SMAP1: variants seen among roughly 807,000 people sequenced by gnomAD.
SMAP1 encodes the protein small ArfGAP 1.
In SMAP1, 24 loss-of-function variants were observed where a neutral mutation model predicts 58.5. The ratio of observed to expected loss-of-function variants is 0.41; its 90% CI spans 0.30 to 0.58. The LOEUF is 0.58. Among genes scored for constraint, SMAP1 ranks in the 20% least tolerant of loss-of-function variants. The pLI is 0.29. For synonymous variants in SMAP1, 216 were observed against 196.6 expected (o/e 1.10, Z -0.82); for missense variants, 563 against 566.3 (o/e 0.99, Z 0.06).
chr6:70,724,074 A>G (rs1768652128), intron 1 of SMAP1, among the ~76,000 whole-genome samples: 1 of 151,888 alleles, frequency 6.6e-6, no homozygotes, highest in South Asian at 2.1e-4. Flanking sequence ...TGTTTCAGAC[A>G]AATTTTAGAA....
At chr6:70,847,239 TCA>T (rs1228002564) in intron 7 of SMAP1, among the ~76,000 whole-genome samples, 7 of 152,170 alleles carry the variant, frequency 4.6e-5, no homozygotes. Flanking sequence ...CATGACTTTG[TCA>T]TATTTGAAAT....
chr6:70,803,898 G>A (rs1768986502), intron 6 of SMAP1, among the ~76,000 whole-genome samples: 1 of 152,170 alleles, frequency 6.6e-6, no homozygotes, highest in Non-Finnish European at 1.5e-5. Flanking sequence ...GCTGAGGAGT[G>A]TTTTACTTCC....
intron 1 of SMAP1, among the ~76,000 whole-genome samples, chr6:70,711,140 T>C (rs1031718302): frequency 1.2e-4 from 19 of 152,330 alleles, no homozygotes; most frequent in African/African-American, 4.3e-4. Context: ...GTAAAAAGTA[T>C]AGTAAATACA....
intron 7 of SMAP1, among the ~76,000 whole-genome samples, chr6:70,847,892 A>AGTGT (rs373993407): frequency 5.3e-5 from 8 of 151,486 alleles, no homozygotes; most frequent in African/African-American, 1.5e-4. Context: ...TGAAAGAGGA[A>AGTGT]GTGTGTGTGT....
In SMAP1 at chr6:70,668,424, C is replaced by T. The variant is rs1189039306; in HGVS notation, c.118+283C>T. 9 of 1,179,658 alleles carry T rather than the reference C, an allele frequency of 7.6e-6. No homozygotes were observed. In the East Asian group the frequency reaches 1.9e-4, roughly 25 times the overall value. 73.1% of individuals were successfully genotyped at this position (1,179,658 alleles called of 1,614,324 possible). On this transcript the variant is annotated intron_variant, in intron 1 of 10. Coordinates refer to ENST00000370455, the MANE Select transcript of SMAP1 (RefSeq NM_001044305.3). The stretch of plus-strand genomic sequence containing the variant: ...GGTGCCAGGGTAGCGATGCTCGGAC[C>T]CTCCACAGGGCTGGGGGTAGGAGCG...
chr6:70,699,443 G>C (rs975598585), intron 1 of SMAP1, among the ~76,000 whole-genome samples: 5 of 152,176 alleles, frequency 3.3e-5, no homozygotes, highest in African/African-American at 9.7e-5. Context: ...GAGCTCTTCA[G>C]TCAGCAGGTA....
chr6:70,766,636 C>T (rs1333247652), intron 3 of SMAP1, among the ~76,000 whole-genome samples: 1 of 152,060 alleles, frequency 6.6e-6, no homozygotes, highest in African/African-American at 2.4e-5. Flanking sequence ...ATTGTAGATT[C>T]TGGTTATTAG....
chr6:70,802,455 A>C (rs1582217994), intron 6 of SMAP1, among the ~76,000 whole-genome samples: 1 of 152,142 alleles, frequency 6.6e-6, no homozygotes, highest in Admixed American at 6.5e-5. Flanking sequence ...ATCTGCAAAC[A>C]GGGAGAATTT....
At chr6:70,699,916 A>G (rs1767556599) in intron 1 of SMAP1, among the ~76,000 whole-genome samples, 1 of 151,990 alleles carries the variant, frequency 6.6e-6, no homozygotes, top group South Asian at 2.1e-4. Flanking sequence ...CTGGCAACCA[A>G]ACTGTAAGAC....
rs759028558 is a variant in SMAP1 at position 70,858,100 on chromosome 6, A to C, written c.1140A>C (p.Ala380=). The C allele has an allele frequency of 9.9e-6, 16 of 1,613,964 alleles. No homozygotes were observed. The highest frequency in any genetic ancestry group is 1.4e-5 in the Non-Finnish European group (16 of 1,180,016). The change falls in exon 10 of 11, where the codon GCA becomes GCC. Residue 380 remains alanine, a synonymous_variant. Transcript: ENST00000370455. ...MPMPNGFMGN[A]QTGVMPLPQN... ...TGCCCAATGGGTTTATGGGAAATGCACAAACTGGTGTGATGCCACTTCCTC... is the reference window on the plus strand; with the variant it reads ...TGCCCAATGGGTTTATGGGAAATGCCCAAACTGGTGTGATGCCACTTCCTC...
At chr6:70,769,807 G>GAT (rs1767189947) in intron 3 of SMAP1, among the ~76,000 whole-genome samples, 1 of 152,130 alleles carries the variant, frequency 6.6e-6, no homozygotes, top group Non-Finnish European at 1.5e-5. Context: ...GATGTTAGCT[G>GAT]GTTATTTTGC....
At chr6:70,790,984 T>A (rs1768325907) in intron 4 of SMAP1, among the ~76,000 whole-genome samples, 1 of 152,148 alleles carries the variant, frequency 6.6e-6, no homozygotes, top group Non-Finnish European at 1.5e-5. Flanking sequence ...GAAAAAAGCT[T>A]TTAGATGAAA....
chr6:70,669,776 T>G (rs987242896), intron 1 of SMAP1, among the ~76,000 whole-genome samples: 3 of 152,216 alleles, frequency 2.0e-5, no homozygotes, highest in African/African-American at 4.8e-5. Flanking sequence ...ATCTGTTCAT[T>G]AAAAGTCGAA....
At chr6:70,819,496 G>A (rs931977008) in intron 6 of SMAP1, among the ~76,000 whole-genome samples, 5 of 152,086 alleles carry the variant, frequency 3.3e-5, no homozygotes, top group South Asian at 2.1e-4. Context: ...CTGAAACGTG[G>A]AATTAAAATT....
chr6:70,693,295 CTTCTTTTT>C (rs1299624776), intron 1 of SMAP1, among the ~76,000 whole-genome samples: 6 of 110,308 alleles, frequency 5.4e-5, no homozygotes, highest in Admixed American at 5.2e-4. Context: ...AGAATGTCAT[CTTCTTTTT>C]TTTTTTTTTT....
At chr6:70,771,805 C>T (rs1767330209) in intron 3 of SMAP1, among the ~76,000 whole-genome samples, 2 of 152,262 alleles carry the variant, frequency 1.3e-5, no homozygotes, top group South Asian at 2.1e-4. Flanking sequence ...GAATCCGGTA[C>T]CTCAGATGGA....
At chr6:70,717,847 A>G (rs1048585469) in intron 1 of SMAP1, among the ~76,000 whole-genome samples, 6 of 152,302 alleles carry the variant, frequency 3.9e-5, no homozygotes, top group African/African-American at 1.2e-4. Context: ...TCCTGGGTAT[A>G]TTCTCTTAGA....
chr6:70,746,601 G>A (rs1225543746), intron 2 of SMAP1, among the ~76,000 whole-genome samples: 22 of 152,054 alleles, frequency 1.4e-4, no homozygotes, highest in African/African-American at 5.3e-4. Context: ...TTTTTGCATC[G>A]ATGTTCATCA....
At position 70,819,107 on chromosome 6, in the gene SMAP1, C is replaced by T. The variant is rs142791093; in HGVS notation, c.577-17834C>T. The stretch of plus-strand genomic sequence containing the variant: ...ACCTATTCTAGACATTTTATGTAAA[C>T]ATTATTCAAGATATGGTCTTTCGTA... On this transcript the variant is annotated intron_variant, in intron 6 of 10. Coordinates refer to ENST00000370455, the MANE Select transcript of SMAP1 (RefSeq NM_001044305.3). 5.0e-3 allele frequency among the ~76,000 whole-genome samples: 758 copies of T among 152,200 alleles called. 3 individuals are homozygous for T. Among genetic ancestry groups the T allele is most frequent in the Non-Finnish European group, 8.3e-3 (565 of 68,004 alleles).
Sources: allele counts gnomAD v4.1 joint callset (sites outside exome capture counted in the v4.1 genomes callset), GRCh38; gene constraint gnomAD v4.1.1; transcripts MANE v1.5; gene names NCBI Gene and HGNC (gene_info 2026-07-23, HGNC 2026-07-21).